The following ETF1 variants were observed in gnomAD, a reference collection of about 807,000 sequenced individuals.
ETF1 encodes eukaryotic peptide chain release factor subunit 1.
A neutral mutation model predicts 55.1 loss-of-function variants in ETF1; 4 were observed. That is an observed-to-expected ratio of 0.07 (90% confidence interval 0.04 to 0.17). The LOEUF (loss-of-function observed/expected upper bound fraction) is 0.17, where lower values mean the gene tolerates loss of function less well. Among genes scored for constraint, ETF1 ranks in the 10% least tolerant of loss-of-function variants. ETF1 has a pLI of 1.00. For missense variants in ETF1, 142 were observed against 523.6 expected, an observed-to-expected ratio of 0.27 and a Z score of 7.11; for synonymous variants, 157 against 182.3, an observed-to-expected ratio of 0.86 and a Z score of 1.12.
At chr5:138,542,605 A>G (rs1405322622) in intron 2 of ETF1, 51 of 1,412,876 alleles carry the variant, frequency 3.6e-5, no homozygotes, top group Non-Finnish European at 4.7e-5. Flanking sequence ...GGGCCGAGTG[A>G]TCTAAACCGG....
intron 2 of ETF1, 35 bp downstream of exon 2, chr5:138,542,798 A>T (rs1272074763): frequency 1.9e-6 from 3 of 1,609,208 alleles, no homozygotes; most frequent in Non-Finnish European, 2.5e-6. Context: ...TCCGGGAACC[A>T]AGAGGGCACG....
Position 138,543,189 on chromosome 5 carries a change from C to T in ETF1, c.-111G>A. On this transcript the variant is annotated 5_prime_UTR_variant, in exon 1 of 11. Coordinates refer to ENST00000360541, the MANE Select transcript of ETF1 (RefSeq NM_004730.4). ...CTGACGTAGGACACCGGCTCCCTCT[C>T]TCCAGGCAGCTGCATGTGTTGCAAT... 9.0e-6 allele frequency: 5 copies of T among 554,248 alleles called. No individual in the cohort carries two copies. Among genetic ancestry groups the T allele is most frequent in the Non-Finnish European group, 1.6e-5 (5 of 313,636 alleles). The allele number at this position is 554,248 out of a possible 1,614,324, so 34.3% of individuals were successfully genotyped here.
chr5:138,541,378 A>T, intron 2 of ETF1: 1 of 611,820 alleles, frequency 1.6e-6, no homozygotes, highest in Non-Finnish European at 2.9e-6. Context: ...GCTGTCTTCG[A>T]TTCATATTAA....
chr5:138,512,238 ATATATATATATATATATATATTTTTTTTT>A (rs1159082492), intron 6 of ETF1, among the ~76,000 whole-genome samples: 29 of 5,646 alleles, frequency 5.1e-3, no homozygotes, highest in Middle Eastern at 0.12. Flanking sequence ...ATATATATAT[ATATATATATATATATATATATTTTTTTTT>A]TTTTTTAAAG....
chr5:138,512,250 ATATATATATTTTTTTTTTT>A lies in ETF1; in HGVS notation c.732+495_732+513del, dbSNP rs1224762088. Among the ~76,000 whole-genome samples, 25 of 11,862 alleles carry A rather than the reference ATATATATATTTTTTTTTTT, an allele frequency of 2.1e-3. 2 individuals carry two copies. In the East Asian group the frequency reaches 0.071, roughly 34 times the overall value. The allele number at this position is 11,862 out of a possible 152,430, so 7.8% of individuals were successfully genotyped here. A position where few individuals can be genotyped will look rare whatever the true frequency, so the allele number is the denominator to read the frequency against. ...AATATATATATATATATATATATAT[ATATATATATTTTTTTTTTT>A]TTTTAAAGGCAATTTCTTTGGTGGA... On this transcript the variant is annotated intron_variant, in intron 6 of 10. Coordinates refer to ENST00000360541, the MANE Select transcript of ETF1 (RefSeq NM_004730.4).
intron 2 of ETF1, among the ~76,000 whole-genome samples, chr5:138,531,663 T>TG (rs780883696): frequency 4.1e-4 from 62 of 152,318 alleles, no homozygotes; most frequent in Non-Finnish European, 8.4e-4. Context: ...GTTTGATGGC[T>TG]GGGTTGTGCC....
chr5:138,533,729 G>A (rs1199505339), intron 2 of ETF1, among the ~76,000 whole-genome samples: 1 of 152,070 alleles, frequency 6.6e-6, no homozygotes, highest in African/African-American at 2.4e-5. Context: ...GTCAGTCCTT[G>A]GAGAGGAACT....
At chr5:138,542,803 G>T in intron 2 of ETF1, 30 bp downstream of exon 2, 1 of 1,610,026 alleles carries the variant, frequency 6.2e-7, no homozygotes, top group Non-Finnish European at 8.5e-7. Flanking sequence ...GAACCAAGAG[G>T]GCACGGAGGG....
intron 10 of ETF1, 94 bp downstream of exon 10, chr5:138,508,575 T>A: frequency 6.4e-7 from 1 of 1,568,400 alleles, no homozygotes; most frequent in Non-Finnish European, 8.6e-7. Context: ...CAGCAGATAA[T>A]AAGCACCTCA....
Position 138,513,628 on chromosome 5 carries a change from G to A in ETF1, c.481C>T (p.Leu161Phe), listed in dbSNP as rs770871708. The change falls in exon 5 of 11, where the codon CTC becomes TTC. Residue 161 changes from leucine (L) to phenylalanine (F), a missense_variant. By Grantham distance (22) the Leu-to-Phe change is conservative. This residue lies in a region of ETF1 where 22 missense variants were observed against 158.7 expected (regional missense o/e 0.14). Coordinates refer to ENST00000360541, the MANE Select transcript of ETF1 (RefSeq NM_004730.4). ...IDGSGALFGTLQGNTREVLHK... is the reference protein window; with the variant it reads ...IDGSGALFGTFQGNTREVLHK... ...AGGACTTCTCTTGTGTTTCCTTGGAGTGTGCCAAAAAGTGCACCACTACCA... is the reference window on the plus strand; with the variant it reads ...AGGACTTCTCTTGTGTTTCCTTGGAATGTGCCAAAAAGTGCACCACTACCA... The A allele has an allele frequency of 2.5e-6, 4 of 1,611,298 alleles. No individual in the cohort carries two copies. Among genetic ancestry groups the A allele is most frequent in the Admixed American group, 3.3e-5 (2 of 59,984 alleles).
intron 2 of ETF1, among the ~76,000 whole-genome samples, chr5:138,529,238 ATTTAC>A (rs1765598127): frequency 6.6e-6 from 1 of 152,194 alleles, no homozygotes; most frequent in African/African-American, 2.4e-5. Context: ...ATAAACATTC[ATTTAC>A]CCTCACTCCT....
At chr5:138,513,152 A>T in intron 5 of ETF1, 198 bp from the exon 6 acceptor site, 1 of 985,350 alleles carries the variant, frequency 1.0e-6, no homozygotes, top group Non-Finnish European at 1.2e-6. Flanking sequence ...GAGGAGCTGT[A>T]AGTACCAATG....
At chr5:138,510,896 T>C (rs930063485) in intron 8 of ETF1, 149 bp downstream of exon 8, 19 of 1,446,132 alleles carry the variant, frequency 1.3e-5, no homozygotes, top group Admixed American at 5.5e-5. Flanking sequence ...GAAAAATCTA[T>C]GCAGGAATGT....
At chr5:138,511,238 G>T in intron 7 of ETF1, 38 bp from the exon 8 acceptor site, 2 of 1,604,602 alleles carry the variant, frequency 1.2e-6, no homozygotes, top group Non-Finnish European at 1.7e-6. Flanking sequence ...ATATATTAAA[G>T]TTTCCCTAGT....
chr5:138,508,297 T>C lies in ETF1; in HGVS notation c.*8A>G, dbSNP rs931858632. On this transcript the variant is annotated 3_prime_UTR_variant, in exon 11 of 11. Coordinates refer to ENST00000360541, the MANE Select transcript of ETF1 (RefSeq NM_004730.4). ...TGAGGCACGTTTTGCCGGACCCATG[T>C]CGACTACCTAGTAGTCATCAAGGTC... 1.9e-6 allele frequency: 3 copies of C among 1,612,674 alleles called. No homozygotes were observed. In the African/African-American group the frequency reaches 4.0e-5, roughly 22 times the overall value.
intron 2 of ETF1, among the ~76,000 whole-genome samples, chr5:138,521,822 G>A (rs1765245121): frequency 2.0e-5 from 3 of 152,128 alleles, no homozygotes; most frequent in South Asian, 4.1e-4. Flanking sequence ...GAGCCACCGC[G>A]CCCAGCCTGT....
intron 2 of ETF1, among the ~76,000 whole-genome samples, chr5:138,536,916 C>T (rs1765959550): frequency 6.6e-6 from 1 of 152,200 alleles, no homozygotes; most frequent in African/African-American, 2.4e-5. Flanking sequence ...CTACACAGCA[C>T]TCTGCCTTAA....
intron 2 of ETF1, among the ~76,000 whole-genome samples, chr5:138,534,920 G>GC (rs887846218): frequency 3.9e-5 from 4 of 101,856 alleles, no homozygotes; most frequent in African/African-American, 8.1e-5. Context: ...AGGTTATAAG[G>GC]GGGGGGGTCA....
At chr5:138,528,425 T>C (rs1246422694) in intron 2 of ETF1, among the ~76,000 whole-genome samples, 2 of 152,254 alleles carry the variant, frequency 1.3e-5, no homozygotes, top group Middle Eastern at 3.2e-3. Context: ...CCCTACTGTA[T>C]AGCCCAGTTG....
Sources: gnomAD v4.1 joint callset for allele counts (sites outside exome capture counted in the v4.1 genomes callset) on GRCh38, gnomAD v4.1.1 for gene constraint, gnomAD v4.1.1 regional missense constraint, MANE v1.5 for transcripts, NCBI Gene and HGNC (gene_info 2026-07-23, HGNC 2026-07-21) for gene names.